The following TP53BP1 variants were observed in gnomAD, a reference collection of about 807,000 sequenced individuals.
The protein encoded by TP53BP1 is tumor protein p53 binding protein 1, also known as TP53-binding protein 1.
In TP53BP1, 61 loss-of-function variants were observed where a neutral mutation model predicts 200.8. That is an observed-to-expected ratio of 0.30 (90% CI 0.25 to 0.38). The LOEUF is 0.38. TP53BP1 is among the 10% of genes least tolerant of loss of function. The probability of loss-of-function intolerance (pLI) is 1.00; values close to 1 mark genes in which losing one functional copy is unlikely to be tolerated. For synonymous variants in TP53BP1, 822 were observed against 844.3 expected, an observed-to-expected ratio of 0.97 and a Z score of 0.46; for missense variants, 2,144 against 2,371.9, an observed-to-expected ratio of 0.90 and a Z score of 2.00.
At chr15:43,483,426 C>T (rs981445523) in intron 4 of TP53BP1, among the ~76,000 whole-genome samples, 1 of 152,042 alleles carries the variant, frequency 6.6e-6, no homozygotes, top group African/African-American at 2.4e-5. Context: ...CACATGATGT[C>T]AACCATATAA....
intron 23 of TP53BP1, among the ~76,000 whole-genome samples, chr15:43,413,759 G>T (rs376077823): frequency 6.6e-6 from 1 of 151,246 alleles, no homozygotes; most frequent in Non-Finnish European, 1.5e-5. Context: ...TTCCCCCAGG[G>T]TATGAGATAT....
intron 10 of TP53BP1, among the ~76,000 whole-genome samples, chr15:43,474,458 A>AAAG (rs1199212045): frequency 6.6e-6 from 1 of 150,526 alleles, no homozygotes; most frequent in East Asian, 1.9e-4. Context: ...GGTTAGACAA[A>AAAG]AAAAAAAAAA....
chr15:43,414,263 C>T, intron 23 of TP53BP1: 1 of 397,734 alleles, frequency 2.5e-6, no homozygotes, highest in Non-Finnish European at 5.1e-6. Flanking sequence ...TTCTGTGCCT[C>T]AAAGTCTTCA....
At chr15:43,467,855 C>T (rs1420348656) in intron 11 of TP53BP1, among the ~76,000 whole-genome samples, 1 of 151,816 alleles carries the variant, frequency 6.6e-6, no homozygotes, top group African/African-American at 2.4e-5. Flanking sequence ...GCGATCTCAG[C>T]TCACTGTAAC....
Position 43,492,192 on chromosome 15 carries a change from G to T in TP53BP1, c.192+92C>A, listed in dbSNP as rs1455447982. 3.3e-6 allele frequency: 5 copies of T among 1,500,080 alleles called. No individual in the cohort carries two copies. In the African/African-American group the frequency reaches 5.6e-5, roughly 17 times the overall value. 92.9% of individuals were successfully genotyped at this position (1,500,080 alleles called of 1,614,324 possible). A position where few individuals can be genotyped will look rare whatever the true frequency, so the allele number is the denominator to read the frequency against. ...CAATTTTTCCAATCAACTTTATTGA[G>T]AAGGTAATGATCTTCTAAATACTTA... On this transcript the variant is annotated intron_variant, in intron 2 of 27. Coordinates refer to ENST00000382044, the MANE Select transcript of TP53BP1 (RefSeq NM_001141980.3).
At chr15:43,476,553 T>A (rs1156326712) in intron 8 of TP53BP1, among the ~76,000 whole-genome samples, 2 of 152,256 alleles carry the variant, frequency 1.3e-5, no homozygotes, top group African/African-American at 4.8e-5. Flanking sequence ...AGTCTCTTGT[T>A]GGTCCCTTCC....
At chr15:43,441,700 AAAT>A in intron 14 of TP53BP1, 117 bp from the exon 15 acceptor site, 2 of 669,600 alleles carry the variant, frequency 3.0e-6, no homozygotes, top group South Asian at 3.4e-5. Context: ...AAAGAAATAA[AAAT>A]AAGTAAAACT....
At chr15:43,477,461 A>G in intron 8 of TP53BP1, 132 bp downstream of exon 8, 1 of 787,042 alleles carries the variant, frequency 1.3e-6, no homozygotes, top group Non-Finnish European at 1.9e-6. Context: ...TACTAGAAAC[A>G]CGTTTTCCTT....
chr15:43,506,828 C>T (rs560596174), intron 1 of TP53BP1, among the ~76,000 whole-genome samples: 1 of 152,172 alleles, frequency 6.6e-6, no homozygotes, highest in Admixed American at 6.5e-5. Flanking sequence ...AGACAGGGAG[C>T]CTTCACTTCA....
chr15:43,490,381 C>A (rs1190096361), intron 4 of TP53BP1, among the ~76,000 whole-genome samples: 1 of 152,020 alleles, frequency 6.6e-6, no homozygotes, highest in African/African-American at 2.4e-5. Flanking sequence ...AGCTACCACA[C>A]CCAGTCCTTT....
chr15:43,432,622 C>T lies in TP53BP1; in HGVS notation c.3247G>A (p.Glu1083Lys). 6.2e-7 allele frequency: 1 copy of T among 1,611,230 alleles called. No individual in the cohort carries two copies. The highest frequency in any genetic ancestry group is 8.5e-7 in the Non-Finnish European group (1 of 1,177,796). Residue 1083 changes from glutamate to lysine, a missense_variant, in exon 17 of 28, where the codon GAG becomes AAG. By Grantham distance (56) the Glu-to-Lys change is moderately conservative. Transcript: ENST00000382044. ...CTCTGCCTGATTGTATGGTCACCCT[C>T]CAATTTTTCTTTCTCCTCTTCTCCT... ...SQGEEEKEKL[E>K]GDHTIRQSQQ... is the part of the protein sequence containing the mutation.
rs762935636 is a variant in TP53BP1 at position 43,498,527 on chromosome 15, CAAAGAG to C, written c.-8-6065_-8-6060del. 1.2e-3 allele frequency among the ~76,000 whole-genome samples: 176 copies of C among 152,164 alleles called. 1 individual carries two copies. Among genetic ancestry groups the C allele is most frequent in the South Asian group, 2.5e-3 (12 of 4,814 alleles). ...TTACAGATAAACAGCCCATATTCTC[CAAAGAG>C]AAAGAGAGAGAGAGAGAAAGAAGTG... is the stretch of plus-strand genomic sequence containing the variant. On this transcript the variant is annotated intron_variant, in intron 1 of 27. Transcript: ENST00000263801.
intron 4 of TP53BP1, among the ~76,000 whole-genome samples, chr15:43,489,698 C>G (rs187553411): frequency 1.8e-4 from 27 of 152,292 alleles, no homozygotes; most frequent in African/African-American, 6.5e-4. Flanking sequence ...AGCTGGAAGT[C>G]TAAGTTTTAT....
intron 14 of TP53BP1, among the ~76,000 whole-genome samples, chr15:43,441,784 T>C (rs1241163511): frequency 4.6e-5 from 7 of 152,226 alleles, no homozygotes; most frequent in Non-Finnish European, 1.0e-4. Flanking sequence ...ACAGTCTCAC[T>C]CTATCACCCA....
Position 43,499,363 on chromosome 15 carries a change from A to G in TP53BP1, c.-8-6895T>C, listed in dbSNP as rs147683237. 2.9e-3 allele frequency among the ~76,000 whole-genome samples: 444 copies of G among 152,272 alleles called. 2 individuals are homozygous for G. Among genetic ancestry groups the G allele is most frequent in the African/African-American group, 0.01 (418 of 41,550 alleles). On this transcript the variant is annotated intron_variant, in intron 1 of 27. Coordinates refer to the TP53BP1 transcript ENST00000263801. ...AATCTGTACACCAAACCCCGTGATA[A>G]TGCAACTTACCTATTTAACAAACCT...
chr15:43,493,077 G>A lies in TP53BP1; in HGVS notation c.-34C>T. ...GAGGTCCCTCGCGCTCGAGCTAGAG[G>A]TCTCTGCACGCTCCCCAAGTCCCTC... is the stretch of plus-strand genomic sequence containing the variant. On this transcript the variant is annotated 5_prime_UTR_variant, in exon 1 of 28. Coordinates refer to ENST00000382044, the MANE Select transcript of TP53BP1 (RefSeq NM_001141980.3). 10 of 1,611,968 alleles carry A rather than the reference G, an allele frequency of 6.2e-6. No homozygotes were observed. The highest frequency in any genetic ancestry group is 8.5e-6 in the Non-Finnish European group (10 of 1,179,488).
At chr15:43,482,527 G>A (rs924376103) in intron 4 of TP53BP1, among the ~76,000 whole-genome samples, 1 of 152,172 alleles carries the variant, frequency 6.6e-6, no homozygotes, top group Non-Finnish European at 1.5e-5. Flanking sequence ...CCAGCACTTT[G>A]GGAGGCCGAA....
At chr15:43,409,792 T>G (rs1426766674) in intron 24 of TP53BP1, 51 bp from the exon 25 acceptor site, 2 of 946,142 alleles carry the variant, frequency 2.1e-6, no homozygotes, top group Admixed American at 2.7e-5. Flanking sequence ...GTTTTCTTAT[T>G]TGCTACCTTA....
At chr15:43,478,650 A>G (rs1296739886) in intron 7 of TP53BP1, among the ~76,000 whole-genome samples, 1 of 152,218 alleles carries the variant, frequency 6.6e-6, no homozygotes, top group Non-Finnish European at 1.5e-5. Context: ...TACCAAGTTA[A>G]GAGCCTAAAG....
Sources: gnomAD v4.1 joint callset for allele counts (sites outside exome capture counted in the v4.1 genomes callset) on GRCh38, gnomAD v4.1.1 for gene constraint, MANE v1.5 for transcripts, NCBI Gene and HGNC (gene_info 2026-07-23, HGNC 2026-07-21) for gene names.